CTNNA3: variants seen among roughly 807,000 people sequenced by gnomAD.
The protein encoded by CTNNA3 is catenin alpha 3, also known as catenin alpha-3.
CTNNA3 carries 76 observed loss-of-function variants against 95.7 expected under a neutral mutation model. The observed-to-expected ratio is 0.79, with a 90% CI of 0.66 to 0.96. CTNNA3 has a LOEUF of 0.96. CTNNA3 is among the 40% of genes least tolerant of loss of function. The pLI is 0.00. For synonymous variants in CTNNA3, 431 were observed against 374.4 expected (o/e 1.15, Z -1.74); for missense variants, 1,191 against 1,089.8 (o/e 1.09, Z -1.31).
intron 5 of CTNNA3, among the ~76,000 whole-genome samples, chr10:67,497,704 T>C (rs1839072687): frequency 6.6e-6 from 1 of 152,242 alleles, no homozygotes; most frequent in South Asian, 2.1e-4. Flanking sequence ...CTTTTTTGAA[T>C]GTGTTTCTTG....
At chr10:67,133,218 GAAA>G (rs555560934) in intron 7 of CTNNA3, among the ~76,000 whole-genome samples, 167 of 148,612 alleles carry the variant, frequency 1.1e-3, no homozygotes, top group African/African-American at 3.9e-3. Context: ...CAATAAAAGA[GAAA>G]AAATTAAAAA....
chr10:66,185,266 G>A (rs1396774364), intron 13 of CTNNA3, among the ~76,000 whole-genome samples: 2 of 152,076 alleles, frequency 1.3e-5, no homozygotes, highest in African/African-American at 4.8e-5. Context: ...TAGAGTTGGA[G>A]GATGGTAAAT....
chr10:66,138,280 T>G (rs962729672), intron 13 of CTNNA3, among the ~76,000 whole-genome samples: 2 of 152,168 alleles, frequency 1.3e-5, no homozygotes, highest in African/African-American at 4.8e-5. Context: ...TCTGGCAATT[T>G]ACTTTATCTA....
chr10:67,419,953 G>A (rs528132324), intron 5 of CTNNA3, among the ~76,000 whole-genome samples: 2 of 152,162 alleles, frequency 1.3e-5, no homozygotes, highest in African/African-American at 2.4e-5. Context: ...CCAAGTTCAA[G>A]GGATTCTCCC....
At chr10:66,768,468 AAG>A (rs1161023240) in intron 8 of CTNNA3, among the ~76,000 whole-genome samples, 1 of 152,162 alleles carries the variant, frequency 6.6e-6, no homozygotes, top group Admixed American at 6.6e-5. Context: ...CCAAGAAACA[AAG>A]AGACAAATTA....
intron 13 of CTNNA3, among the ~76,000 whole-genome samples, chr10:66,104,391 C>T (rs1455668493): frequency 3.3e-5 from 5 of 152,180 alleles, no homozygotes; most frequent in African/African-American, 1.2e-4. Context: ...TGTCAAAGTG[C>T]TTAACAAGAA....
chr10:67,727,311 T>C (rs1435993267), intron 1 of CTNNA3, among the ~76,000 whole-genome samples: 1 of 133,090 alleles, frequency 7.5e-6, no homozygotes. Flanking sequence ...ATATTATATA[T>C]GATATATTAT....
chr10:66,296,557 G>T (rs568973369), intron 12 of CTNNA3, among the ~76,000 whole-genome samples: 1 of 150,178 alleles, frequency 6.7e-6, no homozygotes, highest in Non-Finnish European at 1.5e-5. Context: ...GTGTGCATGC[G>T]TGTGTGTATA....
intron 7 of CTNNA3, among the ~76,000 whole-genome samples, chr10:67,048,390 T>G (rs1458982734): frequency 1.3e-5 from 2 of 152,094 alleles, no homozygotes; most frequent in South Asian, 4.1e-4. Context: ...TACATGATGA[T>G]CAACACCAAG....
At chr10:66,245,098 G>A (rs182370871) in intron 13 of CTNNA3, among the ~76,000 whole-genome samples, 3 of 152,288 alleles carry the variant, frequency 2.0e-5, no homozygotes, top group East Asian at 1.9e-4. Flanking sequence ...CCTGCCAAGG[G>A]TGAGTCAGCA....
At chr10:66,689,478 T>G (rs1847434069) in intron 9 of CTNNA3, among the ~76,000 whole-genome samples, 1 of 152,206 alleles carries the variant, frequency 6.6e-6, no homozygotes, top group African/African-American at 2.4e-5. Flanking sequence ...TTAAACAAAC[T>G]TTTGGAACAA....
At chr10:66,467,672 G>A (rs1274395538) in intron 11 of CTNNA3, among the ~76,000 whole-genome samples, 2 of 152,022 alleles carry the variant, frequency 1.3e-5, no homozygotes, top group East Asian at 3.9e-4. Context: ...TAACCATCAT[G>A]CTAATAGCTA....
intron 10 of CTNNA3, among the ~76,000 whole-genome samples, chr10:66,567,534 A>G (rs535695639): frequency 6.6e-6 from 1 of 152,222 alleles, no homozygotes; most frequent in Admixed American, 6.5e-5. Flanking sequence ...CAGGAGGATC[A>G]TTTAAGCCCA....
intron 9 of CTNNA3, among the ~76,000 whole-genome samples, chr10:66,748,138 C>T (rs1357273366): frequency 1.3e-5 from 2 of 152,136 alleles, no homozygotes; most frequent in African/African-American, 2.4e-5. Flanking sequence ...GGGAATCTAA[C>T]TGCAAAGGGG....
At chr10:66,874,690 C>T (rs1367019060) in intron 7 of CTNNA3, among the ~76,000 whole-genome samples, 1 of 152,120 alleles carries the variant, frequency 6.6e-6, no homozygotes, top group African/African-American at 2.4e-5. Context: ...TGAATTCATC[C>T]TGGTATATAC....
intron 17 of CTNNA3, among the ~76,000 whole-genome samples, chr10:65,929,963 C>A (rs1438925087): frequency 6.6e-6 from 1 of 151,694 alleles, no homozygotes; most frequent in East Asian, 1.9e-4. Context: ...CAAATTCTAC[C>A]CACGGTTGAA....
chr10:66,497,941 A>G (rs767718240), intron 11 of CTNNA3, among the ~76,000 whole-genome samples: 46 of 152,130 alleles, frequency 3.0e-4, no homozygotes, highest in African/African-American at 4.3e-4. Flanking sequence ...TAGGAAATCT[A>G]TCTATCAAAA....
At chr10:67,042,091 CTTT>C (rs1854430264) in intron 7 of CTNNA3, among the ~76,000 whole-genome samples, 1 of 152,082 alleles carries the variant, frequency 6.6e-6, no homozygotes, top group Non-Finnish European at 1.5e-5. Context: ...AGAATTTAGA[CTTT>C]TTAATAAACA....
In CTNNA3 at chr10:67,086,361, T is replaced by C. The variant is rs184050441; in HGVS notation, c.1047+93956A>G. On this transcript the variant is annotated intron_variant, in intron 7 of 17. Transcript: ENST00000433211. ...TTAGTTGGGACAGAATATCACTTCA[T>C]TTAGTTGGGAGATAATCTCAACCAA... is the stretch of plus-strand genomic sequence containing the variant. Among the ~76,000 whole-genome samples, 43 of 152,150 alleles carry C rather than the reference T, an allele frequency of 2.8e-4. 1 individual carries two copies. Among genetic ancestry groups the C allele is most frequent in the Admixed American group, 9.2e-4 (14 of 15,254 alleles).
Sources: gnomAD v4.1 joint callset for allele counts (sites outside exome capture counted in the v4.1 genomes callset) on GRCh38, gnomAD v4.1.1 for gene constraint, MANE v1.5 for transcripts, NCBI Gene and HGNC (gene_info 2026-07-23, HGNC 2026-07-21) for gene names.